Variants in PCDH15 observed in about 807,000 individuals in gnomAD.
PCDH15 encodes protocadherin related 15.
Under a neutral mutation model 178.5 loss-of-function variants are expected in PCDH15, and 129 were observed. The ratio of observed to expected loss-of-function variants is 0.72; its 90% CI spans 0.63 to 0.84. The LOEUF is 0.84. Ranked by LOEUF, PCDH15 falls within the 40% of genes least tolerant of loss-of-function variation. The pLI is 0.00. For synonymous variants in PCDH15, 800 were observed against 732.0 expected (o/e 1.09, Z -1.50); for missense variants, 2,230 against 2,099.9 (o/e 1.06, Z -1.21).
At chr10:54,204,626 G>T (rs1448913834) in intron 10 of PCDH15, among the ~76,000 whole-genome samples, 1 of 151,906 alleles carries the variant, frequency 6.6e-6, no homozygotes, top group Non-Finnish European at 1.5e-5. Context: ...CTATGAACTT[G>T]CTCCCCAAAA....
chr10:54,454,034 TATATAA>T (rs2076651224), intron 3 of PCDH15, among the ~76,000 whole-genome samples: 1 of 151,422 alleles, frequency 6.6e-6, no homozygotes. Context: ...TCTCCTTGAA[TATATAA>T]ATATAATAGA....
chr10:55,556,756 G>A (rs879589467), intron 2 of PCDH15, among the ~76,000 whole-genome samples: 2 of 152,090 alleles, frequency 1.3e-5, no homozygotes, highest in African/African-American at 2.4e-5. Context: ...CAGGAGAATC[G>A]CTTGGACCCG....
chr10:55,289,690 CTAAA>C (rs1481141791), intron 1 of PCDH15, among the ~76,000 whole-genome samples: 1 of 151,970 alleles, frequency 6.6e-6, no homozygotes, highest in African/African-American at 2.4e-5. Context: ...ATCTATCTAT[CTAAA>C]TATCTATTGC....
chr10:54,902,060 G>T (rs938958252), intron 2 of PCDH15, among the ~76,000 whole-genome samples: 15 of 151,874 alleles, frequency 9.9e-5, no homozygotes, highest in Non-Finnish European at 1.8e-4. Context: ...TGAAATCACA[G>T]CTTCAAATTC....
chr10:55,258,683 A>G (rs1233025503), intron 1 of PCDH15, among the ~76,000 whole-genome samples: 1 of 151,660 alleles, frequency 6.6e-6, no homozygotes, highest in Non-Finnish European at 1.5e-5. Context: ...TTTATATTTC[A>G]TATAACCACT....
At chr10:54,938,617 G>T (rs1319407651) in intron 2 of PCDH15, among the ~76,000 whole-genome samples, 1 of 152,058 alleles carries the variant, frequency 6.6e-6, no homozygotes, top group East Asian at 1.9e-4. Flanking sequence ...ATTATAGATT[G>T]TGGTAGACAG....
In PCDH15 at chr10:55,248,043, C is replaced by A. The variant is rs552802123; in HGVS notation, c.-156+71556G>T. Among the ~76,000 whole-genome samples the A allele has an allele frequency of 9.8e-5, 14 of 142,656 alleles. No homozygotes were observed. In the East Asian group the frequency reaches 2.7e-3, roughly 28 times the overall value. The allele number at this position is 142,656 out of a possible 152,430, so 93.6% of individuals were successfully genotyped here. On this transcript the variant is annotated intron_variant, in intron 1 of 5. Coordinates refer to the PCDH15 transcript ENST00000458638. ...ATTTGTTTATTTCTATTTTTATATA[C>A]ATATATTTATATGTACAATTGTCTT...
intron 3 of PCDH15, among the ~76,000 whole-genome samples, chr10:54,401,096 G>T (rs924528096): frequency 1.3e-5 from 2 of 151,910 alleles, no homozygotes; most frequent in Non-Finnish European, 2.9e-5. Context: ...AAAACAGAAA[G>T]AAAATTATTT....
intron 2 of PCDH15, among the ~76,000 whole-genome samples, chr10:54,647,334 G>C (rs2094151798): frequency 6.6e-6 from 1 of 152,024 alleles, no homozygotes; most frequent in East Asian, 1.9e-4. Flanking sequence ...GGTGCCAGGG[G>C]AAAGAATAGA....
intron 21 of PCDH15, among the ~76,000 whole-genome samples, chr10:53,993,898 T>A (rs755660442): frequency 2.1e-4 from 32 of 152,184 alleles, no homozygotes; most frequent in Non-Finnish European, 4.1e-4. Flanking sequence ...ATTCAGTATT[T>A]CAATGGAATG....
chr10:54,178,590 G>A (rs2047670449), intron 13 of PCDH15, among the ~76,000 whole-genome samples: 1 of 151,982 alleles, frequency 6.6e-6, no homozygotes, highest in African/African-American at 2.4e-5. Context: ...CACAGAAGAA[G>A]GGAAGGAGAA....
chr10:55,010,834 A>G lies in PCDH15; in HGVS notation c.-79-113334T>C, dbSNP rs949993367. ...AGGTATTTATATCACAATCCATCTC[A>G]TAATATTATACCATCTCTCTAGTCT... On this transcript the variant is annotated intron_variant, in intron 2 of 5. Transcript: ENST00000458638. Among the ~76,000 whole-genome samples, 6 of 152,116 alleles carry G rather than the reference A, an allele frequency of 3.9e-5. No individual in the cohort carries two copies. In the East Asian group the frequency reaches 1.2e-3, roughly 29 times the overall value.
chr10:54,165,739 A>T (rs916108846), intron 13 of PCDH15, among the ~76,000 whole-genome samples: 1 of 152,210 alleles, frequency 6.6e-6, no homozygotes, highest in African/African-American at 2.4e-5. Flanking sequence ...CGTTGTATAC[A>T]ATGCCAAATC....
intron 37 of PCDH15, chr10:53,808,949 TTTCTTCTTCTTCTGAGTG>T (rs763670708): frequency 1.3e-6 from 2 of 1,559,272 alleles, no homozygotes. Context: ...GCTGGTCCAC[TTTCTTCTTCTTCTGAGTG>T]TTCTTCTTCT....
chr10:54,096,769 T>C (rs1225850724), intron 15 of PCDH15, among the ~76,000 whole-genome samples: 1 of 152,166 alleles, frequency 6.6e-6, no homozygotes, highest in African/African-American at 2.4e-5. Context: ...CTAAATACCA[T>C]CACGTTGGGG....
Position 55,360,682 on chromosome 10 carries a change from G to C in PCDH15, c.-155-194031C>G, listed in dbSNP as rs558148176. ...GATATCTCTATGTACTCACCTCAAG[G>C]CTCAAACAATGAATGGATATTCTAT... On this transcript the variant is annotated intron_variant, in intron 2 of 5. Coordinates refer to the PCDH15 transcript ENST00000613346. Among the ~76,000 whole-genome samples the C allele has an allele frequency of 1.1e-4, 16 of 151,972 alleles. 3 individuals are homozygous for C. The South Asian group carries it at 3.3e-3, about 32-fold the overall frequency.
At chr10:54,505,986 G>C (rs1485501326) in intron 3 of PCDH15, among the ~76,000 whole-genome samples, 1 of 151,974 alleles carries the variant, frequency 6.6e-6, no homozygotes, top group Non-Finnish European at 1.5e-5. Context: ...TACTTAAAAA[G>C]AAAATTTTGA....
intron 1 of PCDH15, among the ~76,000 whole-genome samples, chr10:55,256,836 C>T (rs984064259): frequency 8.5e-5 from 13 of 152,202 alleles, no homozygotes; most frequent in African/African-American, 3.1e-4. Context: ...AAAACCTCTG[C>T]AGACTTAACT....
chr10:54,537,246 G>A (rs1453395899), intron 2 of PCDH15, among the ~76,000 whole-genome samples: 1 of 151,962 alleles, frequency 6.6e-6, no homozygotes, highest in Non-Finnish European at 1.5e-5. Flanking sequence ...TGATCCGCCC[G>A]CCTCGGCCTC....
Sources: allele counts gnomAD v4.1 joint callset (sites outside exome capture counted in the v4.1 genomes callset), GRCh38; gene constraint gnomAD v4.1.1; transcripts MANE v1.5; gene names NCBI Gene and HGNC (gene_info 2026-07-23, HGNC 2026-07-21).